Variants in MYMK observed in about 807,000 individuals in gnomAD.
MYMK encodes the protein myomaker, myoblast fusion factor.
Under a neutral mutation model 22.4 loss-of-function variants are expected in MYMK, and 16 were observed. The observed-to-expected ratio is 0.72, with a 90% CI of 0.48 to 1.09. The LOEUF (loss-of-function observed/expected upper bound fraction) is 1.09, where lower values mean the gene tolerates loss of function less well. Ranked by LOEUF, MYMK falls within the 50% of genes least tolerant of loss-of-function variation. The pLI, the probability that MYMK is intolerant of heterozygous loss-of-function variation, is 0.00. For missense variants in MYMK, 250 were observed against 295.6 expected (o/e 0.85, Z 1.13); for synonymous variants, 125 against 127.0 (o/e 0.98, Z 0.11).
Position 133,515,037 on chromosome 9 carries a change from TCCTC to T in MYMK, c.517-256_517-253del, listed in dbSNP as rs2131066982. 6.6e-6 allele frequency among the ~76,000 whole-genome samples: 1 copy of T among 151,960 alleles called. No individual in the cohort carries two copies. The highest frequency in any genetic ancestry group is 2.1e-4 in the South Asian group (1 of 4,800). ...TCCCCTCTCTCTGCTGTCCTTCTCT[TCCTC>T]CATCCTTCTCTCCCTCCTACCCTCC... On this transcript the variant is annotated intron_variant, in intron 4 of 4. Transcript: ENST00000339996. This position sits in a 1 kb window ranked among gnomAD's most constrained non-coding sequence, Gnocchi z 5.8.
chr9:133,518,296 A>G (rs1844655672), intron 3 of MYMK, among the ~76,000 whole-genome samples: 1 of 152,170 alleles, frequency 6.6e-6, no homozygotes, highest in Non-Finnish European at 1.5e-5. Flanking sequence ...GCTGCTCTGC[A>G]AGGGGCTGTC....
rs768311008 is a variant in MYMK at position 133,520,196 on chromosome 9, C to T, written c.228G>A (p.Leu76=). The T allele has an allele frequency of 1.3e-5, 21 of 1,613,976 alleles. No individual in the cohort carries two copies. In the Admixed American group the frequency reaches 2.0e-4, roughly 15 times the overall value. The change falls in exon 2 of 5, where the codon CTG becomes CTA. Residue 76 remains leucine (L), a synonymous_variant. Coordinates refer to ENST00000339996, the MANE Select transcript of MYMK (RefSeq NM_001080483.3). ...LEYFSVYGTA[L]SMWVSLMALA... ...CACCCATCAGCGAGACCCACATGCT[C>T]AGGGCTGTCCCGTAGACACTGAAAT... is the stretch of plus-strand genomic sequence containing the variant.
At chr9:133,520,447 G>T (rs893721269) in intron 1 of MYMK, among the ~76,000 whole-genome samples, 159 bp from the exon 2 acceptor site, 2 of 152,232 alleles carry the variant, frequency 1.3e-5, no homozygotes, top group Non-Finnish European at 2.9e-5. Flanking sequence ...AAAAATGGGG[G>T]TACTGCCGAG....
At chr9:133,522,600 C>G in intron 1 of MYMK, among the ~76,000 whole-genome samples, 1 of 152,206 alleles carries the variant, frequency 6.6e-6, no homozygotes, top group East Asian at 1.9e-4. Context: ...AGTGCAGAGG[C>G]AGCTGCGGGG....
At chr9:133,521,527 T>C (rs1386901222) in intron 1 of MYMK, among the ~76,000 whole-genome samples, 1 of 152,160 alleles carries the variant, frequency 6.6e-6, no homozygotes, top group Non-Finnish European at 1.5e-5. Flanking sequence ...TTAATAGGGA[T>C]CCAGCATCTA....
chr9:133,523,133 G>T (rs1052903898), intron 1 of MYMK, among the ~76,000 whole-genome samples: 1 of 152,188 alleles, frequency 6.6e-6, no homozygotes, highest in Non-Finnish European at 1.5e-5. Flanking sequence ...GGAATGCCTC[G>T]CTCCCAGCCC....
rs530157251 is a variant in MYMK at position 133,519,431 on chromosome 9, A to C, written c.251-409T>G. Reference sequence around the variant, plus strand: ...AAAAATTCGGTGGGTGTCGTGGTGCATGCCTGTCATCCCAGCTACTTGGGA... The same window carrying C: ...AAAAATTCGGTGGGTGTCGTGGTGCCTGCCTGTCATCCCAGCTACTTGGGA... On this transcript the variant is annotated intron_variant, in intron 2 of 4. Transcript: ENST00000339996. Among the ~76,000 whole-genome samples the C allele has an allele frequency of 2.6e-5, 4 of 152,066 alleles. No homozygotes were observed. The South Asian group carries it at 8.3e-4, about 32-fold the overall frequency.
chr9:133,521,965 C>T (rs1460625391), intron 1 of MYMK, among the ~76,000 whole-genome samples: 4 of 152,258 alleles, frequency 2.6e-5, no homozygotes, highest in Non-Finnish European at 5.9e-5. Context: ...GCATGGACGG[C>T]TCCCAGCATA....
chr9:133,515,438 G>T lies in MYMK; in HGVS notation c.516+53C>A. On this transcript the variant is annotated intron_variant, in intron 4 of 4. Transcript: ENST00000339996. The surrounding 1 kb of genome is among the most constrained non-coding windows in gnomAD (Gnocchi z 5.8). ...AGCCCTGGTATCCCAGCTGAGCAGA[G>T]CCATGCCGAGTGGGCTCTGGGGCAC... 1 of 1,262,154 alleles carries T rather than the reference G, an allele frequency of 7.9e-7. No individual in the cohort carries two copies. The highest frequency in any genetic ancestry group is 1.2e-6 in the Non-Finnish European group (1 of 865,966). 78.2% of individuals were successfully genotyped at this position (1,262,154 alleles called of 1,614,324 possible). A position where few individuals can be genotyped will look rare whatever the true frequency, so the allele number is the denominator to read the frequency against.
chr9:133,520,347 A>T (rs1193280738), intron 1 of MYMK, 59 bp from the exon 2 acceptor site: 3 of 1,409,420 alleles, frequency 2.1e-6, no homozygotes, highest in East Asian at 2.3e-5. Context: ...TCCCCGAGCC[A>T]CGGCCCCCAG....
chr9:133,514,819 G>T, intron 4 of MYMK, 34 bp from the exon 5 acceptor site: 3 of 1,598,258 alleles, frequency 1.9e-6, no homozygotes, highest in African/African-American at 2.7e-5. Flanking sequence ...TGGGGCCTCA[G>T]CCCCCTCCCC....
chr9:133,514,595 G>T lies in MYMK; in HGVS notation c.*41C>A, dbSNP rs766794210. The T allele has an allele frequency of 6.3e-7, 1 of 1,589,232 alleles. No individual in the cohort carries two copies. The highest frequency in any genetic ancestry group is 1.1e-5 in the South Asian group (1 of 87,696). On this transcript the variant is annotated 3_prime_UTR_variant, in exon 5 of 5. Transcript: ENST00000339996. ...TGTCTGGGACTCTGGCCAAGTGTGAGCTGGGGAGGGCAGGGGCTCAGAGCC... is the reference window on the plus strand; with the variant it reads ...TGTCTGGGACTCTGGCCAAGTGTGATCTGGGGAGGGCAGGGGCTCAGAGCC...
At chr9:133,519,490 T>C (rs528402612) in intron 2 of MYMK, among the ~76,000 whole-genome samples, 1 of 152,200 alleles carries the variant, frequency 6.6e-6, no homozygotes, top group African/African-American at 2.4e-5. Context: ...AGGCTGTGAG[T>C]TCGAGGCTGC....
chr9:133,516,290 C>T (rs1025257681), intron 3 of MYMK, among the ~76,000 whole-genome samples: 3 of 152,190 alleles, frequency 2.0e-5, no homozygotes, highest in African/African-American at 7.2e-5. Flanking sequence ...GCAGTTGTTT[C>T]CTGGAATGAG....
intron 1 of MYMK, among the ~76,000 whole-genome samples, chr9:133,523,712 A>AGAGAGAGAGAGAGAGAGG (rs1844731420): frequency 1.1e-5 from 1 of 93,206 alleles, no homozygotes; most frequent in African/African-American, 3.5e-5. Flanking sequence ...AGAGAGAGAG[A>AGAGAGAGAGAGAGAGAGG]GAGAGAGACA....
intron 1 of MYMK, among the ~76,000 whole-genome samples, chr9:133,522,041 C>T (rs1429810627): frequency 6.6e-6 from 1 of 152,236 alleles, no homozygotes; most frequent in Admixed American, 6.5e-5. Flanking sequence ...GGACAGCCAG[C>T]TCACCCTGGG....
intron 1 of MYMK, among the ~76,000 whole-genome samples, chr9:133,522,725 A>G (rs1844715741): frequency 6.6e-6 from 1 of 152,212 alleles, no homozygotes; most frequent in Non-Finnish European, 1.5e-5. Context: ...CGCTAAGGCC[A>G]TGGGACCTGC....
intron 1 of MYMK, among the ~76,000 whole-genome samples, chr9:133,523,861 CAGAG>C (rs1844732828): frequency 6.6e-6 from 1 of 150,800 alleles, no homozygotes; most frequent in African/African-American, 2.5e-5. Flanking sequence ...GAGAACCAGA[CAGAG>C]AGAGAAAGGA....
At chr9:133,523,422 A>T (rs569864647) in intron 1 of MYMK, among the ~76,000 whole-genome samples, 1 of 152,212 alleles carries the variant, frequency 6.6e-6, no homozygotes, top group East Asian at 1.9e-4. Flanking sequence ...TTGCCTCCCC[A>T]GAGCAGGTGT....
Sources: allele counts gnomAD v4.1 joint callset (sites outside exome capture counted in the v4.1 genomes callset), GRCh38; gene constraint gnomAD v4.1.1; non-coding constraint Gnocchi (gnomAD v3.1); transcripts MANE v1.5; gene names NCBI Gene and HGNC (gene_info 2026-07-23, HGNC 2026-07-21).